SPECC1L: variants seen among roughly 807,000 people sequenced by gnomAD.
SPECC1L encodes the protein cytospin-A.
Under a neutral mutation model 116.8 loss-of-function variants are expected in SPECC1L, and 40 were observed. That is an observed-to-expected ratio of 0.34 (90% confidence interval 0.27 to 0.45). The LOEUF (loss-of-function observed/expected upper bound fraction) is 0.45. Among genes scored for constraint, SPECC1L ranks in the 20% least tolerant of loss-of-function variants. The pLI is 1.00. For synonymous variants in SPECC1L, 504 were observed against 500.6 expected (o/e 1.01, Z -0.09); for missense variants, 1,110 against 1,373.6 (o/e 0.81, Z 3.03).
At chr22:24,382,342 A>G (rs2042077524) in intron 14 of SPECC1L, among the ~76,000 whole-genome samples, 1 of 152,086 alleles carries the variant, frequency 6.6e-6, no homozygotes, top group African/African-American at 2.4e-5. Context: ...GCAGGACTAA[A>G]ATTTGAATTG....
At chr22:24,293,706 G>A (rs959901452) in intron 2 of SPECC1L, among the ~76,000 whole-genome samples, 1 of 141,932 alleles carries the variant, frequency 7.0e-6, no homozygotes, top group African/African-American at 2.6e-5. Context: ...CGAGGTGCCT[G>A]TCATACTTTG....
chr22:24,337,424 C>G (rs547558507), intron 9 of SPECC1L, among the ~76,000 whole-genome samples: 1 of 152,108 alleles, frequency 6.6e-6, no homozygotes, highest in Non-Finnish European at 1.5e-5. Context: ...CATACGCTGG[C>G]GGGACAGTGG....
At chr22:24,376,702 T>C (rs1405892224) in intron 14 of SPECC1L, among the ~76,000 whole-genome samples, 1 of 152,082 alleles carries the variant, frequency 6.6e-6, no homozygotes, top group Non-Finnish European at 1.5e-5. Context: ...ACTTCCACAC[T>C]CAGGCCTGAA....
At chr22:24,368,702 A>G (rs2041818493) in intron 13 of SPECC1L, among the ~76,000 whole-genome samples, 1 of 152,180 alleles carries the variant, frequency 6.6e-6, no homozygotes, top group South Asian at 2.1e-4. Flanking sequence ...GCTGGAGTGC[A>G]ATGGCGTAAT....
chr22:24,412,789 G>A (rs1163583226), intron 16 of SPECC1L, 82 bp downstream of exon 16: 37 of 1,474,942 alleles, frequency 2.5e-5, no homozygotes, highest in Admixed American at 3.4e-5. Flanking sequence ...CTGAATCCTC[G>A]TGGGCATGGG....
At chr22:24,379,380 C>T (rs9620384) in intron 14 of SPECC1L, among the ~76,000 whole-genome samples, 32,645 of 150,462 alleles carry the variant, frequency 0.22, 3,788 homozygotes, top group Non-Finnish European at 0.26. Flanking sequence ...ACCCTGTCTC[C>T]GAGAAAAAAG....
intron 11 of SPECC1L, among the ~76,000 whole-genome samples, chr22:24,351,695 A>G (rs1417969044): frequency 6.6e-6 from 1 of 152,198 alleles, no homozygotes; most frequent in Admixed American, 6.5e-5. Flanking sequence ...ACTAAGAACA[A>G]CCAAATGATT....
chr22:24,303,079 C>T (rs1332415432), intron 3 of SPECC1L, among the ~76,000 whole-genome samples: 1 of 152,172 alleles, frequency 6.6e-6, no homozygotes, highest in Non-Finnish European at 1.5e-5. Flanking sequence ...CTGCCTCAGC[C>T]TCTCGAGTAG....
Position 24,317,482 on chromosome 22 carries a change from G to A in SPECC1L, c.308-3806G>A, listed in dbSNP as rs1314988840. Among the ~76,000 whole-genome samples, 3 of 129,132 alleles carry A rather than the reference G, an allele frequency of 2.3e-5. 1 individual carries two copies. Among genetic ancestry groups the A allele is most frequent in the Non-Finnish European group, 5.3e-5 (3 of 56,962 alleles). The allele number at this position is 129,132 out of a possible 152,430, so 84.7% of individuals were successfully genotyped here. ...GGACGGGGCGGCTGGCTGGGCAGGG[G>A]GCTGACCCCCCCACCTCCCTCCCGG... On this transcript the variant is annotated intron_variant, in intron 4 of 16. Transcript: ENST00000314328.
intron 2 of SPECC1L, among the ~76,000 whole-genome samples, chr22:24,289,263 C>T (rs542099099): frequency 8.1e-4 from 123 of 152,284 alleles, no homozygotes; most frequent in African/African-American, 2.9e-3. Flanking sequence ...ACTTTGGGAA[C>T]GAATGTGTTT....
intron 14 of SPECC1L, among the ~76,000 whole-genome samples, chr22:24,380,026 C>G (rs1400848228): frequency 6.6e-6 from 1 of 152,086 alleles, no homozygotes; most frequent in Non-Finnish European, 1.5e-5. Context: ...ACCTGCCACC[C>G]CGCCCAGCTA....
intron 4 of SPECC1L, among the ~76,000 whole-genome samples, chr22:24,320,286 A>C (rs1006700676): frequency 1.1e-4 from 17 of 152,212 alleles, no homozygotes; most frequent in African/African-American, 3.6e-4. Context: ...CTCAAAAAAA[A>C]CCAAAAAAAC....
intron 3 of SPECC1L, among the ~76,000 whole-genome samples, chr22:24,304,972 T>C (rs1301367986): frequency 1.3e-5 from 2 of 152,250 alleles, no homozygotes; most frequent in Non-Finnish European, 2.9e-5. Context: ...AAGAGTAGGC[T>C]GAACATTTAT....
intron 3 of SPECC1L, among the ~76,000 whole-genome samples, chr22:24,310,125 C>T (rs538435415): frequency 3.3e-5 from 5 of 152,302 alleles, no homozygotes; most frequent in African/African-American, 1.2e-4. Flanking sequence ...CTTTTGCACT[C>T]TGTTAATCTT....
At chr22:24,371,410 T>A (rs1290286072) in intron 14 of SPECC1L, among the ~76,000 whole-genome samples, 1 of 152,158 alleles carries the variant, frequency 6.6e-6, no homozygotes, top group African/African-American at 2.4e-5. Context: ...CCCAGTAGTT[T>A]GAGACCAGCC....
chr22:24,321,706 T>C lies in SPECC1L; in HGVS notation c.726T>C (p.Thr242=), dbSNP rs200474506. 44 of 1,614,112 alleles carry C rather than the reference T, an allele frequency of 2.7e-5. No homozygotes were observed. Among genetic ancestry groups the C allele is most frequent in the Non-Finnish European group, 3.6e-5 (42 of 1,180,046 alleles). Residue 242 remains threonine, a synonymous_variant, in exon 5 of 17, where the codon ACT becomes ACC. Coordinates refer to ENST00000314328, the MANE Select transcript of SPECC1L (RefSeq NM_015330.6). ...MAHQPTDVES[T]LLQLQEQNTA... ...ACCAGCCGACTGATGTGGAGTCCAC[T>C]TTATTGCAGTTGCAGGAACAGAATA...
At chr22:24,303,546 G>C (rs539846143) in intron 3 of SPECC1L, among the ~76,000 whole-genome samples, 61 of 152,270 alleles carry the variant, frequency 4.0e-4, no homozygotes, top group South Asian at 1.7e-3. Flanking sequence ...TGTGTGACTA[G>C]GTGACCTGTT....
chr22:24,274,013 C>G (rs1032338730), intron 1 of SPECC1L, among the ~76,000 whole-genome samples: 22 of 152,352 alleles, frequency 1.4e-4, no homozygotes, highest in African/African-American at 5.1e-4. Context: ...CTGCCTTGGC[C>G]TCCCAAAGTG....
intron 2 of SPECC1L, among the ~76,000 whole-genome samples, chr22:24,293,051 G>A (rs948361851): frequency 5.3e-5 from 8 of 151,920 alleles, no homozygotes; most frequent in Non-Finnish European, 1.2e-4. Flanking sequence ...AGCTCAGGCT[G>A]TAGTGTGCTA....
Sources: allele counts gnomAD v4.1 joint callset (sites outside exome capture counted in the v4.1 genomes callset), GRCh38; gene constraint gnomAD v4.1.1; transcripts MANE v1.5; gene names NCBI Gene and HGNC (gene_info 2026-07-23, HGNC 2026-07-21).